HECTD4: variants seen among roughly 807,000 people sequenced by gnomAD.
HECTD4 encodes the protein HECT domain E3 ubiquitin protein ligase 4.
In HECTD4, 114 loss-of-function variants were observed where a neutral mutation model predicts 471.5. The observed-to-expected ratio is 0.24, with a 90% CI of 0.21 to 0.28. The LOEUF (loss-of-function observed/expected upper bound fraction) is 0.28. HECTD4 is among the 10% of genes least tolerant of loss of function. The pLI, the probability that HECTD4 is intolerant of heterozygous loss-of-function variation, is 1.00. For synonymous variants in HECTD4, 2,012 were observed against 2,256.0 expected, an observed-to-expected ratio of 0.89 and a Z score of 3.07; for missense variants, 3,866 against 5,651.5, an observed-to-expected ratio of 0.68 and a Z score of 10.13.
At position 112,179,325 on chromosome 12, in the gene HECTD4, G is replaced by T; in HGVS notation, c.11060C>A (p.Thr3687Lys). 6.2e-7 allele frequency: 1 copy of T among 1,613,358 alleles called. No homozygotes were observed. The highest frequency in any genetic ancestry group is 8.5e-7 in the Non-Finnish European group (1 of 1,179,640). ...IFKSCAHSEQTLSLTPAKPIR... is the reference protein window; with the variant it reads ...IFKSCAHSEQKLSLTPAKPIR... ...GGGCTTCGCTGGTGTCAGGCTCAGC[G>T]TCTGCTCTGAATGGGCACAACTCTT... is the stretch of plus-strand genomic sequence containing the variant. The change falls in exon 63 of 76, where the codon ACG (threonine) becomes AAG (lysine). Residue 3687 changes from threonine to lysine, a missense_variant. By Grantham distance (78) the Thr-to-Lys change is moderately conservative. Transcript: ENST00000682272. The surrounding 1 kb of genome is among the most constrained non-coding windows in gnomAD (Gnocchi z 4.3).
At chr12:112,249,284 A>G (rs2033827089) in intron 25 of HECTD4, among the ~76,000 whole-genome samples, 1 of 151,654 alleles carries the variant, frequency 6.6e-6, no homozygotes, top group Non-Finnish European at 1.5e-5. Flanking sequence ...AAACTAGGAG[A>G]CAGAGGTTGT....
chr12:112,169,312 C>T lies in HECTD4; in HGVS notation c.12208+191G>A, dbSNP rs114248499. Among the ~76,000 whole-genome samples, 415 of 152,314 alleles carry T rather than the reference C, an allele frequency of 2.7e-3. 2 individuals are homozygous for T. The highest frequency in any genetic ancestry group is 9.2e-3 in the African/African-American group (382 of 41,572). ...GTCCCCAAGCCCAGCAGGGACTGGC[C>T]GAGGCTTCCACAGGGGGCTGGTCTG... is the stretch of plus-strand genomic sequence containing the variant. On this transcript the variant is annotated intron_variant, in intron 70 of 75. Transcript: ENST00000682272.
At chr12:112,297,933 CT>C (rs1386898776) in intron 7 of HECTD4, among the ~76,000 whole-genome samples, 1 of 152,146 alleles carries the variant, frequency 6.6e-6, no homozygotes, top group Non-Finnish European at 1.5e-5. Flanking sequence ...ACAGATAAGA[CT>C]CAGCAGGAAC....
Position 112,283,167 on chromosome 12 carries a change from T to C in HECTD4, c.1471A>G (p.Thr491Ala), listed in dbSNP as rs750534933. 1.2e-6 allele frequency: 2 copies of C among 1,613,958 alleles called. No individual in the cohort carries two copies. Among genetic ancestry groups the C allele is most frequent in the African/African-American group, 1.3e-5 (1 of 75,040 alleles). ...GTGGAACCAGTCAGGGCAGCAAGCG[T>C]TGCTGACGGGGAGGCTCTATACCGA... Reference protein sequence around the residue: ...LSRYRASPSATLAALTGSTIS... With the variant: ...LSRYRASPSAALAALTGSTIS... Residue 491 changes from threonine to alanine, a missense_variant, in exon 8 of 76, where the codon ACG becomes GCG. Transcript: ENST00000682272.
At chr12:112,272,218 T>C (rs2034429656) in intron 11 of HECTD4, among the ~76,000 whole-genome samples, 1 of 152,060 alleles carries the variant, frequency 6.6e-6, no homozygotes, top group Non-Finnish European at 1.5e-5. Flanking sequence ...CAGCTAACTT[T>C]TTTGTATTTT....
Position 112,167,909 on chromosome 12 carries a change from A to G in HECTD4, c.12217T>C (p.Phe4073Leu). The G allele has an allele frequency of 6.2e-7, 1 of 1,613,106 alleles. No homozygotes were observed. The highest frequency in any genetic ancestry group is 1.3e-5 in the African/African-American group (1 of 75,062). Residue 4073 changes from phenylalanine to leucine, a missense_variant, in exon 71 of 76, where the codon TTC becomes CTC. Physicochemically the swap from Phe to Leu is conservative, Grantham distance 22. This residue lies in a region of HECTD4 where 715 missense variants were observed against 1,087.6 expected (regional missense o/e 0.66). Coordinates refer to ENST00000682272, the MANE Select transcript of HECTD4 (RefSeq NM_001388303.1). ...GEEVHGTSGS[F>L]RHFLWQVCKE... The stretch of plus-strand genomic sequence containing the variant: ...CACACCTGCCACAGGAAGTGGCGGA[A>G]AGAGCCGCCTGTAGGACAGACGAGA...
intron 9 of HECTD4, among the ~76,000 whole-genome samples, chr12:112,276,917 C>T (rs1234820667): frequency 6.6e-6 from 1 of 152,064 alleles, no homozygotes; most frequent in African/African-American, 2.4e-5. Context: ...TGGCTATAAT[C>T]AGAAAAATGG....
chr12:112,178,993 C>T lies in HECTD4; in HGVS notation c.11301G>A (p.Val3767=), dbSNP rs770659490. Reference sequence around the variant, plus strand: ...GCTTGGTGATAGGCCGCTTGGTGCTCACCACCTTCACGGGGTGCTGCTCCT... The same window carrying T: ...GCTTGGTGATAGGCCGCTTGGTGCTTACCACCTTCACGGGGTGCTGCTCCT... ...AGKEQHPVKV[V]STKRPITKPP... The change falls in exon 64 of 76, where the codon GTG becomes GTA. Residue 3767 remains valine, a synonymous_variant. Transcript: ENST00000682272. 133 of 1,613,194 alleles carry T rather than the reference C, an allele frequency of 8.2e-5. No homozygotes were observed. The highest frequency in any genetic ancestry group is 1.1e-4 in the Non-Finnish European group (124 of 1,179,750).
At chr12:112,293,780 G>A (rs1435554367) in intron 7 of HECTD4, among the ~76,000 whole-genome samples, 9 of 152,208 alleles carry the variant, frequency 5.9e-5, no homozygotes, top group Admixed American at 2.0e-4. Context: ...GGGTAGGTGA[G>A]AGACTTCTGT....
At chr12:112,325,045 T>C (rs1395975673) in intron 1 of HECTD4, among the ~76,000 whole-genome samples, 4 of 152,308 alleles carry the variant, frequency 2.6e-5, no homozygotes, top group Non-Finnish European at 5.9e-5. Context: ...GGGCTATTTA[T>C]TTTTATTATT....
Position 112,381,872 on chromosome 12 carries a change from A to G in HECTD4, c.177+80T>C. ...CCGCCGGGAGGCGAGGCCGCGGCTG[A>G]GGCGAGGAGGGGGCCCGACCCGGGG... On this transcript the variant is annotated intron_variant, in intron 1 of 75. Transcript: ENST00000682272. This position sits in a 1 kb window ranked among gnomAD's most constrained non-coding sequence, Gnocchi z 4.1. 1 of 1,033,214 alleles carries G rather than the reference A, an allele frequency of 9.7e-7. No homozygotes were observed. The highest frequency in any genetic ancestry group is 1.2e-6 in the Non-Finnish European group (1 of 811,978). 64.0% of individuals were successfully genotyped at this position (1,033,214 alleles called of 1,614,324 possible).
At chr12:112,209,029 T>G (rs916773493) in intron 50 of HECTD4, among the ~76,000 whole-genome samples, 1 of 150,054 alleles carries the variant, frequency 6.7e-6, no homozygotes. Context: ...ACCTCCTGAG[T>G]GGCTGGGACT....
At chr12:112,262,776 C>T (rs1018633438) in intron 17 of HECTD4, among the ~76,000 whole-genome samples, 7 of 151,850 alleles carry the variant, frequency 4.6e-5, no homozygotes, top group East Asian at 1.9e-4. Context: ...CCATCACGCC[C>T]GGCTAATTTT....
At chr12:112,375,718 T>G (rs1475987745) in intron 1 of HECTD4, among the ~76,000 whole-genome samples, 12 of 152,192 alleles carry the variant, frequency 7.9e-5, no homozygotes, top group Non-Finnish European at 1.5e-5. Context: ...TGAGATGTTA[T>G]TTTTGAGTTA....
chr12:112,255,205 G>C (rs2033981117), intron 21 of HECTD4, among the ~76,000 whole-genome samples: 1 of 152,202 alleles, frequency 6.6e-6, no homozygotes, highest in African/African-American at 2.4e-5. Flanking sequence ...TAAAATGGCA[G>C]CCTCTCCCAT....
intron 69 of HECTD4, 95 bp downstream of exon 69, chr12:112,170,238 C>T: frequency 6.7e-7 from 1 of 1,500,372 alleles, no homozygotes; most frequent in East Asian, 2.5e-5. Context: ...AACCGCTGCA[C>T]CAGCCCTGGA....
chr12:112,228,592 T>A lies in HECTD4; in HGVS notation c.6684+55A>T. The A allele has an allele frequency of 6.7e-7, 1 of 1,489,244 alleles. No homozygotes were observed. Among genetic ancestry groups the A allele is most frequent in the Non-Finnish European group, 9.1e-7 (1 of 1,094,038 alleles). 92.3% of individuals were successfully genotyped at this position (1,489,244 alleles called of 1,614,324 possible). A position where few individuals can be genotyped will look rare whatever the true frequency, so the allele number is the denominator to read the frequency against. On this transcript the variant is annotated intron_variant, in intron 42 of 75. Transcript: ENST00000682272. This position sits in a 1 kb window ranked among gnomAD's most constrained non-coding sequence, Gnocchi z 4.9. ...GCACTGAGCATGTGCATAGACTCATTACAGTACAGTTACCATTGGCAGACA... is the reference window on the plus strand; with the variant it reads ...GCACTGAGCATGTGCATAGACTCATAACAGTACAGTTACCATTGGCAGACA...
At chr12:112,281,265 G>GT (rs199859413) in intron 8 of HECTD4, among the ~76,000 whole-genome samples, 48 of 150,722 alleles carry the variant, frequency 3.2e-4, no homozygotes, top group African/African-American at 1.1e-3. Context: ...AAGACCTCAT[G>GT]TTTTTTTTAA....
intron 1 of HECTD4, among the ~76,000 whole-genome samples, chr12:112,367,396 A>G (rs1351649707): frequency 6.6e-6 from 1 of 152,092 alleles, no homozygotes; most frequent in Non-Finnish European, 1.5e-5. Context: ...GAAAATAAAG[A>G]TACATATTTT....
Sources: gnomAD v4.1 joint callset for allele counts (sites outside exome capture counted in the v4.1 genomes callset) on GRCh38, gnomAD v4.1.1 for gene constraint, gnomAD v4.1.1 regional missense constraint, Gnocchi (gnomAD v3.1) non-coding constraint, MANE v1.5 for transcripts, NCBI Gene and HGNC (gene_info 2026-07-23, HGNC 2026-07-21) for gene names.